The following EPHB1 variants were observed in gnomAD, a reference collection of about 807,000 sequenced individuals.
EPHB1 encodes EPH receptor B1.
In EPHB1, 30 loss-of-function variants were observed where a neutral mutation model predicts 94.4. That is an observed-to-expected ratio of 0.32 (90% CI 0.24 to 0.43). The LOEUF (loss-of-function observed/expected upper bound fraction) is 0.43, where lower values mean the gene tolerates loss of function less well. EPHB1 is among the 20% of genes least tolerant of loss of function. EPHB1 has a pLI of 1.00. For missense variants in EPHB1, 1,055 were observed against 1,308.3 expected (o/e 0.81, Z 2.99); for synonymous variants, 522 against 489.1 (o/e 1.07, Z -0.89).
intron 10 of EPHB1, among the ~76,000 whole-genome samples, chr3:135,180,599 C>A (rs148492686): frequency 6.6e-6 from 1 of 152,180 alleles, no homozygotes; most frequent in Non-Finnish European, 1.5e-5. Context: ...CATCTTCCTG[C>A]ACTGGAATAG....
intron 12 of EPHB1, among the ~76,000 whole-genome samples, chr3:135,218,247 A>G (rs1943199250): frequency 6.6e-6 from 1 of 152,146 alleles, no homozygotes; most frequent in Admixed American, 6.5e-5. Flanking sequence ...AGCTGAGAGT[A>G]AAATAATTCA....
At chr3:135,179,163 A>G (rs1430592024) in intron 9 of EPHB1, among the ~76,000 whole-genome samples, 2 of 152,076 alleles carry the variant, frequency 1.3e-5, no homozygotes, top group Non-Finnish European at 2.9e-5. Flanking sequence ...TTTCTCATTC[A>G]CCATTTTATT....
rs1942770590 is a variant in EPHB1, at chr3:135,202,034, CA to C, written c.2346+346del. On this transcript the variant is annotated intron_variant, in intron 12 of 15. Transcript: ENST00000398015. ...GCATCTGTCAGCAGAGAGCAGACCC[CA>C]GGCATGCATGAGGCCTTCAGTCTGC... Among the ~76,000 whole-genome samples, 8 of 152,240 alleles carry C rather than the reference CA, an allele frequency of 5.3e-5. No individual in the cohort carries two copies. In the South Asian group the frequency reaches 1.7e-3, roughly 32 times the overall value.
At chr3:134,827,971 CT>C (rs1004428645) in intron 1 of EPHB1, among the ~76,000 whole-genome samples, 1 of 151,944 alleles carries the variant, frequency 6.6e-6, no homozygotes, top group Non-Finnish European at 1.5e-5. Context: ...TTTGTTTATG[CT>C]TTTTTTTCTG....
At chr3:135,024,747 C>T (rs1437744877) in intron 3 of EPHB1, among the ~76,000 whole-genome samples, 1 of 152,130 alleles carries the variant, frequency 6.6e-6, no homozygotes, top group Non-Finnish European at 1.5e-5. Context: ...ATCTCCCCTA[C>T]CCCATTCTTT....
At chr3:135,215,150 T>C (rs1576474283) in intron 12 of EPHB1, among the ~76,000 whole-genome samples, 1 of 151,926 alleles carries the variant, frequency 6.6e-6, no homozygotes, top group South Asian at 2.1e-4. Context: ...GATGTACAGT[T>C]TTCTTTTTTT....
intron 12 of EPHB1, among the ~76,000 whole-genome samples, chr3:135,206,483 C>T (rs529425117): frequency 9.9e-5 from 15 of 152,188 alleles, no homozygotes; most frequent in Admixed American, 3.3e-4. Flanking sequence ...TATGCTCAAC[C>T]GTGTTGTCCT....
At chr3:135,185,414 A>G (rs892766568) in intron 10 of EPHB1, among the ~76,000 whole-genome samples, 8 of 152,356 alleles carry the variant, frequency 5.3e-5, no homozygotes, top group African/African-American at 1.9e-4. Flanking sequence ...AATCATAGAC[A>G]TGTCTCCAGG....
chr3:135,092,523 C>T (rs1205439132), intron 3 of EPHB1, among the ~76,000 whole-genome samples: 1 of 152,192 alleles, frequency 6.6e-6, no homozygotes, highest in Admixed American at 6.5e-5. Context: ...AGAACTGATA[C>T]TGTTTCCCTG....
chr3:134,954,361 C>T (rs893436790), intron 3 of EPHB1, among the ~76,000 whole-genome samples: 3 of 152,142 alleles, frequency 2.0e-5, no homozygotes, highest in Non-Finnish European at 4.4e-5. Flanking sequence ...TGTTACTGGT[C>T]TCCATGGTGT....
chr3:134,901,554 C>A (rs1308633539), intron 1 of EPHB1, among the ~76,000 whole-genome samples: 2 of 152,224 alleles, frequency 1.3e-5, no homozygotes, highest in Non-Finnish European at 2.9e-5. Flanking sequence ...TCCCCACAGG[C>A]TTCTCACCTG....
intron 12 of EPHB1, among the ~76,000 whole-genome samples, chr3:135,225,550 C>A (rs532276613): frequency 6.6e-6 from 1 of 152,250 alleles, no homozygotes; most frequent in African/African-American, 2.4e-5. Context: ...GAATTTGGAA[C>A]CCTCTGAAAA....
chr3:135,095,206 A>G (rs1454407506), intron 3 of EPHB1, among the ~76,000 whole-genome samples: 1 of 152,216 alleles, frequency 6.6e-6, no homozygotes, highest in Non-Finnish European at 1.5e-5. Flanking sequence ...CTAGCCCTAG[A>G]GGATGAAGTG....
intron 3 of EPHB1, among the ~76,000 whole-genome samples, chr3:135,003,639 G>A (rs1935272211): frequency 6.6e-6 from 1 of 152,232 alleles, no homozygotes; most frequent in Non-Finnish European, 1.5e-5. Context: ...GAATCTGGGT[G>A]CTCCTGTATT....
intron 12 of EPHB1, among the ~76,000 whole-genome samples, chr3:135,205,057 G>C (rs1239957219): frequency 6.7e-6 from 1 of 149,754 alleles, no homozygotes; most frequent in Non-Finnish European, 1.5e-5. Context: ...TTATCTTTCT[G>C]TACCTGGCTT....
intron 3 of EPHB1, among the ~76,000 whole-genome samples, chr3:135,060,818 T>C (rs1335469097): frequency 2.0e-5 from 3 of 152,150 alleles, no homozygotes; most frequent in Admixed American, 1.3e-4. Context: ...TTAGTTATTT[T>C]TAAATATACA....
At chr3:135,160,634 T>C (rs926764503) in intron 6 of EPHB1, among the ~76,000 whole-genome samples, 39 of 152,226 alleles carry the variant, frequency 2.6e-4, no homozygotes, top group African/African-American at 9.2e-4. Context: ...TTCAAGCTTC[T>C]GTTCATGCAT....
chr3:135,014,404 T>C (rs935457847), intron 3 of EPHB1, among the ~76,000 whole-genome samples: 21 of 152,200 alleles, frequency 1.4e-4, no homozygotes, highest in African/African-American at 5.1e-4. Context: ...CTGTTTCTTT[T>C]ATTCACAGTT....
At chr3:135,229,280 C>T (rs1249579620) in intron 12 of EPHB1, among the ~76,000 whole-genome samples, 1 of 152,156 alleles carries the variant, frequency 6.6e-6, no homozygotes, top group Non-Finnish European at 1.5e-5. Context: ...ATTATTATCC[C>T]TATTGGCAGG....
Sources: gnomAD v4.1 joint callset for allele counts (sites outside exome capture counted in the v4.1 genomes callset) on GRCh38, gnomAD v4.1.1 for gene constraint, MANE v1.5 for transcripts, NCBI Gene and HGNC (gene_info 2026-07-23, HGNC 2026-07-21) for gene names.